DMD: variants seen among roughly 807,000 people sequenced by gnomAD.
DMD encodes mutant dystrophin.
In DMD, 63 loss-of-function variants were observed where a neutral mutation model predicts 330.1. The ratio of observed to expected loss-of-function variants is 0.19; its 90% CI spans 0.16 to 0.24. DMD has a LOEUF of 0.24. Among genes scored for constraint, DMD ranks in the 10% least tolerant of loss-of-function variants. DMD has a pLI of 1.00. For missense variants in DMD, 3,344 were observed against 2,684.1 expected, an observed-to-expected ratio of 1.25 and a Z score of -5.43; for synonymous variants, 1,223 against 959.8, an observed-to-expected ratio of 1.27 and a Z score of -5.07.
At chrX:32,435,191 C>T (rs1389942357) in intron 29 of DMD, among the ~76,000 whole-genome samples, 1 of 96,489 alleles carries the variant, frequency 1.0e-5, no homozygotes, top group African/African-American at 3.8e-5. Context: ...CATTTATTTA[C>T]CAATCACTGC....
intron 44 of DMD, among the ~76,000 whole-genome samples, chrX:32,094,367 G>T (rs2096493088): frequency 1.8e-5 from 2 of 112,008 alleles, no homozygotes; most frequent in South Asian, 7.4e-4. Flanking sequence ...TGTAATCTAT[G>T]TAACAATATT....
chrX:32,107,826 A>T (rs1166847135), intron 44 of DMD, among the ~76,000 whole-genome samples: 2 of 111,381 alleles, frequency 1.8e-5, no homozygotes, highest in Non-Finnish European at 3.8e-5. Flanking sequence ...TTGATGCACA[A>T]AATTAACCAT....
chrX:31,918,698 C>T (rs994264579), intron 47 of DMD, among the ~76,000 whole-genome samples: 4 of 108,969 alleles, frequency 3.7e-5, no homozygotes, highest in African/African-American at 1.0e-4. Flanking sequence ...AATGCAGTGG[C>T]GTGATCTCCT....
intron 6 of DMD, among the ~76,000 whole-genome samples, chrX:32,814,044 C>T (rs2077553312): frequency 9.0e-6 from 1 of 111,239 alleles, no homozygotes; most frequent in African/African-American, 3.3e-5. Context: ...GTACAAGTAG[C>T]TGACAGTGAC....
chrX:31,342,938 A>T (rs966313154), intron 61 of DMD, among the ~76,000 whole-genome samples: 7 of 111,054 alleles, frequency 6.3e-5, no homozygotes, highest in African/African-American at 2.3e-4. Context: ...CACCACGCCC[A>T]GCTAATTTTT....
intron 45 of DMD, among the ~76,000 whole-genome samples, chrX:31,936,873 C>T (rs1353077406): frequency 9.0e-6 from 1 of 110,981 alleles, no homozygotes; most frequent in African/African-American, 3.3e-5. Flanking sequence ...TTTCCCCCAG[C>T]ACCATCTCTT....
chrX:32,671,100 A>G (rs1602764790), intron 9 of DMD, among the ~76,000 whole-genome samples: 1 of 111,181 alleles, frequency 9.0e-6, no homozygotes, highest in East Asian at 2.8e-4. Context: ...GTGGGTCGGT[A>G]CAAATTGTTA....
chrX:32,136,121 T>C (rs2096723446), intron 44 of DMD, among the ~76,000 whole-genome samples: 1 of 112,804 alleles, frequency 8.9e-6, no homozygotes, highest in Admixed American at 9.3e-5. Context: ...ATTTGTCATA[T>C]TTAAAAATAG....
In DMD at chrX:32,312,942, C is replaced by CAAAAAAAAAAAAAAAAAAAA. The variant is rs767993498; in HGVS notation, c.5923-2686_5923-2667dup. Among the ~76,000 whole-genome samples the CAAAAAAAAAAAAAAAAAAAA allele has an allele frequency of 1.1e-3, 22 of 20,400 alleles. 2 individuals carry two copies. The highest frequency in any genetic ancestry group is 6.2e-3 in the East Asian group (2 of 325). The allele number at this position is 20,400 out of a possible 115,157, so 17.7% of individuals were successfully genotyped here. On this transcript the variant is annotated intron_variant, in intron 41 of 78. Transcript: ENST00000357033. ...ATTGAGGCAGTAATAGCCTACGAAC[C>CAAAAAAAAAAAAAAAAAAAA]AAAAAAAAAAAAAAAAAAAAAAGCC... is the stretch of plus-strand genomic sequence containing the variant.
intron 42 of DMD, among the ~76,000 whole-genome samples, chrX:32,299,882 T>G (rs1477534655): frequency 1.8e-5 from 2 of 111,594 alleles, no homozygotes; most frequent in Admixed American, 1.9e-4. Flanking sequence ...TAAGGATTCC[T>G]CCTCTATAAA....
chrX:32,927,454 C>T (rs372779702), intron 2 of DMD, among the ~76,000 whole-genome samples: 5 of 102,919 alleles, frequency 4.9e-5, no homozygotes, highest in East Asian at 3.1e-4. Flanking sequence ...CCACAACCTC[C>T]GCCTTTTAGT....
At chrX:32,915,647 T>G (rs1478738530) in intron 2 of DMD, among the ~76,000 whole-genome samples, 3 of 112,117 alleles carry the variant, frequency 2.7e-5, no homozygotes, top group Non-Finnish European at 5.6e-5. Flanking sequence ...GTATTGAGCA[T>G]CTACACTGTG....
intron 76 of DMD, among the ~76,000 whole-genome samples, chrX:31,145,662 ATT>A (rs749721258): frequency 1.2e-4 from 10 of 86,251 alleles, no homozygotes; most frequent in Admixed American, 3.8e-4. Context: ...TGGGAACTCT[ATT>A]TTTTTTTTTT....
chrX:32,508,957 C>A (rs5927999), intron 18 of DMD, among the ~76,000 whole-genome samples: 13,137 of 109,328 alleles, frequency 0.12, 819 homozygotes, highest in Admixed American at 0.27. Flanking sequence ...ACTACAGGCG[C>A]CCGCAACCAT....
rs752881802 is a variant in DMD, at chrX:32,165,795, G to A, written c.6438+51121C>T. Among the ~76,000 whole-genome samples, 15 of 111,151 alleles carry A rather than the reference G, an allele frequency of 1.3e-4. No homozygotes were observed. In the South Asian group the frequency reaches 2.3e-3, roughly 17 times the overall value. On this transcript the variant is annotated intron_variant, in intron 44 of 78. Transcript: ENST00000357033. ...CATAATCCCCAGGTGTCAAAGGAGA[G>A]GCTATGTGGAGGTAATTGAATCATG...
At chrX:32,645,225 A>G (rs2059707578) in intron 9 of DMD, 73 bp from the exon 10 acceptor site, 3 of 1,061,622 alleles carry the variant, frequency 2.8e-6, no homozygotes, top group African/African-American at 3.7e-5. Context: ...TAAATGATGA[A>G]TCGAATGAAA....
intron 44 of DMD, among the ~76,000 whole-genome samples, chrX:32,013,546 AC>A (rs2095734669): frequency 8.9e-6 from 1 of 112,194 alleles, no homozygotes; most frequent in African/African-American, 3.2e-5. Context: ...ATTTTTGTAT[AC>A]CCCACATGGC....
intron 27 of DMD, among the ~76,000 whole-genome samples, chrX:32,442,222 G>C (rs751138811): frequency 9.1e-6 from 1 of 110,084 alleles, no homozygotes; most frequent in Non-Finnish European, 1.9e-5. Flanking sequence ...ATTCATCAAA[G>C]GACACCATCA....
At chrX:31,575,585 C>G (rs2076055791) in intron 55 of DMD, among the ~76,000 whole-genome samples, 1 of 111,567 alleles carries the variant, frequency 9.0e-6, no homozygotes, top group Non-Finnish European at 1.9e-5. Flanking sequence ...TGGTACTGTA[C>G]CATATAATAT....
Sources: allele counts gnomAD v4.1 joint callset (sites outside exome capture counted in the v4.1 genomes callset), GRCh38; gene constraint gnomAD v4.1.1; transcripts MANE v1.5; gene names NCBI Gene and HGNC (gene_info 2026-07-23, HGNC 2026-07-21).